DTNA: variants seen among roughly 807,000 people sequenced by gnomAD.
DTNA encodes dystrophin-related protein 3.
In DTNA, 43 loss-of-function variants were observed where a neutral mutation model predicts 100.7. The observed-to-expected ratio is 0.43, with a 90% CI of 0.33 to 0.55. DTNA has a LOEUF of 0.55. DTNA is among the 20% of genes least tolerant of loss of function. The pLI, the probability that DTNA is intolerant of heterozygous loss-of-function variation, is 0.04. For missense variants in DTNA, 798 were observed against 953.9 expected, an observed-to-expected ratio of 0.84 and a Z score of 2.15; for synonymous variants, 349 against 347.9, an observed-to-expected ratio of 1.00 and a Z score of -0.04.
At chr18:34,747,995 A>G (rs1015845432) in intron 1 of DTNA, among the ~76,000 whole-genome samples, 1 of 152,222 alleles carries the variant, frequency 6.6e-6, no homozygotes. Flanking sequence ...CATTTTAATT[A>G]TGGCCATTCT....
At position 34,608,513 on chromosome 18, in the gene DTNA, G is replaced by GT. The variant is rs34065264; in HGVS notation, c.-2+115013dup. ...CAAAAGGGACAAAAGTATTCGTTAG[G>GT]TTTTTTTTTTTTTTATGGATTCAGG... is the stretch of plus-strand genomic sequence containing the variant. On this transcript the variant is annotated intron_variant, in intron 1 of 19. Coordinates refer to the DTNA transcript ENST00000283365. Among the ~76,000 whole-genome samples the GT allele has an allele frequency of 6.9e-3, 1,001 of 144,424 alleles. 2 individuals are homozygous for GT. The highest frequency in any genetic ancestry group is 0.012 in the East Asian group (60 of 4,928). The allele number at this position is 144,424 out of a possible 152,430, so 94.7% of individuals were successfully genotyped here.
At chr18:34,862,124 C>CAAAAAAAAAAAAAAAAAAAGAA (rs2096636360) in intron 16 of DTNA, among the ~76,000 whole-genome samples, 1 of 56,266 alleles carries the variant, frequency 1.8e-5, no homozygotes, top group Non-Finnish European at 3.6e-5. Context: ...CAGACAAGGT[C>CAAAAAAAAAAAAAAAAAAAGAA]AAAAAAAAAA....
At chr18:34,810,961 CT>C (rs1483297074) in intron 5 of DTNA, among the ~76,000 whole-genome samples, 3 of 152,066 alleles carry the variant, frequency 2.0e-5, no homozygotes, top group African/African-American at 7.2e-5. Flanking sequence ...CGATAAAAGC[CT>C]CTGATATGCT....
chr18:34,770,559 C>T (rs2093712222), intron 3 of DTNA, among the ~76,000 whole-genome samples: 2 of 152,134 alleles, frequency 1.3e-5, no homozygotes, highest in Non-Finnish European at 2.9e-5. Flanking sequence ...TTCTTCTGTT[C>T]AATTCCTAAT....
At chr18:34,520,828 T>C (rs533065270) in intron 1 of DTNA, among the ~76,000 whole-genome samples, 1 of 152,216 alleles carries the variant, frequency 6.6e-6, no homozygotes, top group African/African-American at 2.4e-5. Context: ...GTCCTCAGAT[T>C]TTCTCTCTAG....
In DTNA at chr18:34,672,496, T is replaced by C. The variant is rs151098044; in HGVS notation, c.-1-83480T>C. 4.8e-3 allele frequency among the ~76,000 whole-genome samples: 731 copies of C among 152,286 alleles called. 3 individuals carry two copies. The highest frequency in any genetic ancestry group is 0.017 in the African/African-American group (712 of 41,564). ...ATTTCTATAACAAAATAAACCTTAA[T>C]ATAAAAATAAAATAGTGACTTACTG... On this transcript the variant is annotated intron_variant, in intron 1 of 19. Transcript: ENST00000283365.
chr18:34,739,927 C>G (rs144672403), intron 1 of DTNA, among the ~76,000 whole-genome samples: 2 of 152,052 alleles, frequency 1.3e-5, no homozygotes, highest in Admixed American at 6.6e-5. Context: ...TTTGCCCTGA[C>G]GTGTTATGCA....
At chr18:34,724,831 C>G (rs1428227138) in intron 1 of DTNA, among the ~76,000 whole-genome samples, 1 of 152,134 alleles carries the variant, frequency 6.6e-6, no homozygotes, top group Non-Finnish European at 1.5e-5. Context: ...TGACTTCAAA[C>G]TATACTATAA....
chr18:34,714,760 A>G (rs1408200431), intron 1 of DTNA, among the ~76,000 whole-genome samples: 4 of 152,178 alleles, frequency 2.6e-5, no homozygotes, highest in African/African-American at 9.7e-5. Flanking sequence ...ATGCACACGT[A>G]TGTTTATTGT....
chr18:34,526,137 A>G (rs895204961), intron 1 of DTNA, among the ~76,000 whole-genome samples: 23 of 152,178 alleles, frequency 1.5e-4, no homozygotes, highest in African/African-American at 5.1e-4. Flanking sequence ...TCAAAGATCC[A>G]TTATTCACTT....
intron 1 of DTNA, among the ~76,000 whole-genome samples, chr18:34,656,124 T>A (rs2144236240): frequency 6.6e-6 from 1 of 152,376 alleles, no homozygotes; most frequent in African/African-American, 2.4e-5. Flanking sequence ...CAGGATGGTT[T>A]ATATGATTAT....
chr18:34,859,080 TC>T (rs2096586323), intron 16 of DTNA, among the ~76,000 whole-genome samples: 1 of 152,222 alleles, frequency 6.6e-6, no homozygotes, highest in African/African-American at 2.4e-5. Context: ...CTAATATCTT[TC>T]TTTATATTCA....
chr18:34,807,684 G>C (rs566343486), intron 5 of DTNA, among the ~76,000 whole-genome samples: 1 of 152,096 alleles, frequency 6.6e-6, no homozygotes, highest in Non-Finnish European at 1.5e-5. Flanking sequence ...CCTCCATGGA[G>C]AGCCAAAGAC....
intron 1 of DTNA, among the ~76,000 whole-genome samples, chr18:34,502,679 C>G (rs889602989): frequency 2.0e-5 from 3 of 152,118 alleles, no homozygotes; most frequent in Non-Finnish European, 4.4e-5. Flanking sequence ...TGCTTTCTTT[C>G]CGTTATTGAC....
chr18:34,673,445 G>T (rs907546845), intron 1 of DTNA, among the ~76,000 whole-genome samples: 7 of 150,912 alleles, frequency 4.6e-5, no homozygotes, highest in African/African-American at 1.7e-4. Flanking sequence ...TTTTAAAAAT[G>T]CAAGTATCAT....
chr18:34,535,404 A>G (rs917967630), intron 1 of DTNA, among the ~76,000 whole-genome samples: 2 of 152,052 alleles, frequency 1.3e-5, no homozygotes, highest in Non-Finnish European at 2.9e-5. Flanking sequence ...TGGATGCCAG[A>G]TGGATAGATT....
chr18:34,618,987 T>A (rs1243374498), intron 1 of DTNA, among the ~76,000 whole-genome samples: 2 of 152,162 alleles, frequency 1.3e-5, no homozygotes, highest in African/African-American at 4.8e-5. Context: ...AGCAGAGAAT[T>A]AATTCAGGGA....
intron 13 of DTNA, among the ~76,000 whole-genome samples, chr18:34,843,729 A>G (rs998348635): frequency 1.3e-5 from 2 of 152,136 alleles, no homozygotes; most frequent in Non-Finnish European, 2.9e-5. Context: ...ATGCTTTAGC[A>G]TATGAATACT....
Position 34,518,534 on chromosome 18 carries a change from TC to T in DTNA, c.-2+25022del, listed in dbSNP as rs896398314. On this transcript the variant is annotated intron_variant, in intron 1 of 19. Transcript: ENST00000283365. The stretch of plus-strand genomic sequence containing the variant: ...CTATCCTGAAGATTTTCTTTTTTTT[TC>T]CTAAAAGTTTCATTATTTTACATTT... Among the ~76,000 whole-genome samples the T allele has an allele frequency of 2.6e-5, 4 of 152,094 alleles. No homozygotes were observed. The South Asian group carries it at 8.3e-4, about 32-fold the overall frequency.
Sources: allele counts gnomAD v4.1 joint callset (sites outside exome capture counted in the v4.1 genomes callset), GRCh38; gene constraint gnomAD v4.1.1; transcripts MANE v1.5; gene names NCBI Gene and HGNC (gene_info 2026-07-23, HGNC 2026-07-21).